The following WIPF1 variants were observed in gnomAD, a reference collection of about 807,000 sequenced individuals.
WIPF1 encodes the protein WAS/WASL interacting protein family member 1.
WIPF1 carries 13 observed loss-of-function variants against 35.4 expected under a neutral mutation model. The ratio of observed to expected loss-of-function variants is 0.37; its 90% CI spans 0.24 to 0.58. The LOEUF (loss-of-function observed/expected upper bound fraction) is 0.58, where lower values mean the gene tolerates loss of function less well. Among genes scored for constraint, WIPF1 ranks in the 20% least tolerant of loss-of-function variants. WIPF1 has a pLI of 0.74. For missense variants in WIPF1, 591 were observed against 667.0 expected, an observed-to-expected ratio of 0.89 and a Z score of 1.25; for synonymous variants, 267 against 266.3, an observed-to-expected ratio of 1.00 and a Z score of -0.02.
At chr2:174,672,065 C>T (rs987291681) in intron 1 of WIPF1, among the ~76,000 whole-genome samples, 3 of 152,084 alleles carry the variant, frequency 2.0e-5, no homozygotes, top group African/African-American at 7.2e-5. Context: ...TATGATGTCT[C>T]CCCCAGATAC....
rs1200249412 is a variant in WIPF1 at position 174,597,615 on chromosome 2, G to A, written c.-53C>T. ...ATTTTTCTTACCGTTAAAGGGTACTGCAGGGAGCCATGGTCAGGGACACAG... is the reference window on the plus strand; with the variant it reads ...ATTTTTCTTACCGTTAAAGGGTACTACAGGGAGCCATGGTCAGGGACACAG... On this transcript the variant is annotated 5_prime_UTR_variant, in exon 1 of 8. It introduces an in-frame stop codon into an upstream open reading frame of the 5' UTR. Transcript: ENST00000679041. 6.6e-6 allele frequency: 1 copy of A among 152,618 alleles called. No homozygotes were observed. Among genetic ancestry groups the A allele is most frequent in the Non-Finnish European group, 1.5e-5 (1 of 68,040 alleles). 9.5% of individuals were successfully genotyped at this position (152,618 alleles called of 1,614,324 possible).
At chr2:174,652,808 C>CA (rs1008873394) in intron 1 of WIPF1, among the ~76,000 whole-genome samples, 8 of 143,698 alleles carry the variant, frequency 5.6e-5, no homozygotes, top group East Asian at 2.0e-4. Flanking sequence ...AAAAAAAAAA[C>CA]AAAAAAAAAC....
At chr2:174,660,683 T>C (rs1256525351) in intron 1 of WIPF1, among the ~76,000 whole-genome samples, 1 of 152,084 alleles carries the variant, frequency 6.6e-6, no homozygotes, top group Admixed American at 6.5e-5. Flanking sequence ...CAGTGGTTGA[T>C]GTAAGTGTAT....
chr2:174,638,201 A>G (rs1415816244), intron 1 of WIPF1, among the ~76,000 whole-genome samples: 3 of 152,218 alleles, frequency 2.0e-5, no homozygotes, highest in Non-Finnish European at 4.4e-5. Context: ...AATTCTCATC[A>G]AGTCCTAAAT....
chr2:174,563,645 T>TA (rs994116452), intron 7 of WIPF1, among the ~76,000 whole-genome samples: 7 of 152,144 alleles, frequency 4.6e-5, no homozygotes, highest in South Asian at 2.1e-4. Context: ...CCCATTCACA[T>TA]AAAAAAAATT....
upstream of WIPF1, among the ~76,000 whole-genome samples, chr2:174,599,827 C>A (rs1423206690): frequency 1.3e-5 from 2 of 152,052 alleles, no homozygotes; most frequent in Non-Finnish European, 2.9e-5. Context: ...ATCTCTCTCT[C>A]TCTCTCTCTC....
chr2:174,654,499 G>T (rs1256495626), intron 1 of WIPF1, among the ~76,000 whole-genome samples: 1 of 151,924 alleles, frequency 6.6e-6, no homozygotes, highest in African/African-American at 2.4e-5. Context: ...TCTAATTTTT[G>T]AACGCAAATG....
chr2:174,601,414 T>C (rs1165248227), upstream of WIPF1, among the ~76,000 whole-genome samples: 1 of 152,138 alleles, frequency 6.6e-6, no homozygotes, highest in Non-Finnish European at 1.5e-5. Context: ...GCAGTGCAGG[T>C]GGCTTACACC....
intron 1 of WIPF1, chr2:174,625,973 G>A (rs1237517150): frequency 1.3e-5 from 2 of 152,074 alleles, no homozygotes; most frequent in Non-Finnish European, 2.9e-5. Context: ...ACAGGAAGAC[G>A]GCATAGTTTA....
intron 5 of WIPF1, among the ~76,000 whole-genome samples, chr2:174,570,041 A>G (rs1218367733): frequency 1.3e-5 from 2 of 152,262 alleles, no homozygotes; most frequent in Non-Finnish European, 2.9e-5. Flanking sequence ...AATCCAAAGG[A>G]AATACAGAGA....
intron 4 of WIPF1, 28 bp from the exon 5 acceptor site, chr2:174,572,474 T>C: frequency 1.2e-6 from 2 of 1,613,590 alleles, no homozygotes; most frequent in Non-Finnish European, 1.7e-6. Context: ...AAACATCAGT[T>C]AGGAAATCAG....
At chr2:174,581,539 A>G in intron 2 of WIPF1, 100 bp from the exon 3 acceptor site, 1 of 1,483,536 alleles carries the variant, frequency 6.7e-7, no homozygotes, top group African/African-American at 1.4e-5. Context: ...CTTGTTGTTA[A>G]GGTTCTTGGT....
chr2:174,652,918 GTTGGTCTGTTTTCCACTCCTCTATGAGA>G (rs1216728577), intron 1 of WIPF1, among the ~76,000 whole-genome samples: 1 of 151,840 alleles, frequency 6.6e-6, no homozygotes, highest in Non-Finnish European at 1.5e-5. Flanking sequence ...CCCTAGTTCT[GTTGGTCTGTTTTCCACTCCTCTATGAGA>G]TTGGTCTGTT....
chr2:174,587,573 G>T (rs1173581214), intron 1 of WIPF1: 1 of 152,202 alleles, frequency 6.6e-6, no homozygotes, highest in East Asian at 1.9e-4. Context: ...AAAGTGGGCG[G>T]TCTAGAAAAT....
chr2:174,627,445 T>TTTCCTTTC (rs1210349073), intron 1 of WIPF1, among the ~76,000 whole-genome samples: 2 of 150,356 alleles, frequency 1.3e-5, no homozygotes, highest in African/African-American at 5.0e-5. Context: ...TTTCTCTTTC[T>TTTCCTTTC]TTCCTTTCTT....
At chr2:174,676,503 G>C (rs975649761) in intron 1 of WIPF1, 1 of 151,666 alleles carries the variant, frequency 6.6e-6, no homozygotes, top group African/African-American at 2.4e-5. Context: ...ATGGGGTTTT[G>C]CCATGCTGCT....
upstream of WIPF1, among the ~76,000 whole-genome samples, chr2:174,601,383 G>C (rs1686003558): frequency 2.0e-5 from 3 of 152,218 alleles, no homozygotes; most frequent in Non-Finnish European, 2.9e-5. Context: ...AGTGGGCCTG[G>C]CAGTGCAGGC....
At chr2:174,562,671 G>C in intron 7 of WIPF1, 69 bp from the exon 8 acceptor site, 1 of 1,584,614 alleles carries the variant, frequency 6.3e-7, no homozygotes. Flanking sequence ...GAAACTCGGG[G>C]ATGGTTGCAC....
chr2:174,579,050 G>C (rs571384881), intron 3 of WIPF1, among the ~76,000 whole-genome samples: 1 of 151,956 alleles, frequency 6.6e-6, no homozygotes, highest in Non-Finnish European at 1.5e-5. Context: ...GGAGTTTCAC[G>C]CTTGTTGCCC....
Sources: gnomAD v4.1 joint callset for allele counts (sites outside exome capture counted in the v4.1 genomes callset) on GRCh38, gnomAD v4.1.1 for gene constraint, MANE v1.5 for transcripts, NCBI Gene and HGNC (gene_info 2026-07-23, HGNC 2026-07-21) for gene names.